Variants in ABCC1 observed in about 807,000 individuals in gnomAD.
ABCC1 encodes ATP binding cassette subfamily C member 1 (ABCC1 blood group).
In ABCC1, 83 loss-of-function variants were observed where a neutral mutation model predicts 172.9. The observed-to-expected ratio is 0.48, with a 90% confidence interval of 0.40 to 0.58. The LOEUF is 0.58. ABCC1 is among the 20% of genes least tolerant of loss of function. The probability of loss-of-function intolerance (pLI) is 0.00; values close to 1 mark genes in which losing one functional copy is unlikely to be tolerated. For missense variants in ABCC1, 1,817 were observed against 2,002.7 expected (o/e 0.91, Z 1.77); for synonymous variants, 937 against 825.2 (o/e 1.14, Z -2.32).
At chr16:16,069,023 T>A (rs1226278652) in intron 13 of ABCC1, among the ~76,000 whole-genome samples, 1 of 149,860 alleles carries the variant, frequency 6.7e-6, no homozygotes, top group African/African-American at 2.4e-5. Flanking sequence ...ACCCCAACCT[T>A]ACGGCCGGGC....
chr16:15,997,667 G>C (rs928647451), intron 1 of ABCC1, among the ~76,000 whole-genome samples: 4 of 152,020 alleles, frequency 2.6e-5, no homozygotes, highest in Non-Finnish European at 4.4e-5. Context: ...TGAGCCTTTA[G>C]GTATTGCCCA....
chr16:16,127,314 C>T (rs969952892), intron 26 of ABCC1, among the ~76,000 whole-genome samples: 4 of 152,178 alleles, frequency 2.6e-5, no homozygotes, highest in Non-Finnish European at 5.9e-5. Flanking sequence ...TCAAGTGATT[C>T]TCCTACCTCT....
Position 16,114,957 on chromosome 16 carries a change from A to G in ABCC1, c.3271A>G (p.Ile1091Val), listed in dbSNP as rs935835833. 1.9e-6 allele frequency: 3 copies of G among 1,614,072 alleles called. No homozygotes were observed. Among genetic ancestry groups the G allele is most frequent in the African/African-American group, 1.3e-5 (1 of 74,934 alleles). ...AGTGGACTCCATGATCCCGGAGGTCATCAAGATGTTCATGGGCTCCCTGTT... is the reference window on the plus strand; with the variant it reads ...AGTGGACTCCATGATCCCGGAGGTCGTCAAGATGTTCATGGGCTCCCTGTT... The part of the protein sequence containing the change: ...DTVDSMIPEV[I>V]KMFMGSLFNV... The change falls in exon 23 of 31, where the codon ATC (isoleucine) becomes GTC (valine). Residue 1091 changes from isoleucine to valine, a missense_variant. This residue lies in a region of ABCC1 where 1,412 missense variants were observed against 1,600.3 expected (regional missense o/e 0.88). Coordinates refer to ENST00000399410, the MANE Select transcript of ABCC1 (RefSeq NM_004996.4).
Position 15,980,444 on chromosome 16 carries a change from A to G in ABCC1, c.49-27372A>G, listed in dbSNP as rs541152341. ...AATTCCACAGGGCTGGGGAGACCTC[A>G]GGAAACTTATACTCACAGCAGAAAG... On this transcript the variant is annotated intron_variant, in intron 1 of 30. Transcript: ENST00000399410. Among the ~76,000 whole-genome samples, 3 of 152,314 alleles carry G rather than the reference A, an allele frequency of 2.0e-5. No individual in the cohort carries two copies. In the East Asian group the frequency reaches 5.8e-4, roughly 29 times the overall value.
At chr16:16,031,134 C>G (rs920416485) in intron 5 of ABCC1, among the ~76,000 whole-genome samples, 1 of 152,182 alleles carries the variant, frequency 6.6e-6, no homozygotes, top group African/African-American at 2.4e-5. Flanking sequence ...CAGGCATGAG[C>G]CACCACACCC....
chr16:16,062,753 A>T (rs45588034), intron 12 of ABCC1, among the ~76,000 whole-genome samples: 8,118 of 152,166 alleles, frequency 0.053, 689 homozygotes, highest in African/African-American at 0.18. Flanking sequence ...TGCTTCAAAG[A>T]CGATGAGGTG....
intron 1 of ABCC1, among the ~76,000 whole-genome samples, chr16:15,959,429 T>C (rs1289898365): frequency 6.6e-6 from 1 of 152,092 alleles, no homozygotes; most frequent in Non-Finnish European, 1.5e-5. Flanking sequence ...GGGCTGAAGC[T>C]ATCTTCCCAC....
At chr16:16,057,674 T>C (rs772706743) in intron 12 of ABCC1, among the ~76,000 whole-genome samples, 17 of 152,226 alleles carry the variant, frequency 1.1e-4, no homozygotes, top group Non-Finnish European at 1.6e-4. Flanking sequence ...AAAAATACTT[T>C]GACAGATATA....
chr16:15,982,882 C>T (rs1222075533), intron 1 of ABCC1, among the ~76,000 whole-genome samples: 1 of 150,434 alleles, frequency 6.6e-6, no homozygotes, highest in African/African-American at 2.4e-5. Flanking sequence ...TGAATTTGGC[C>T]CACAGGCTGT....
intron 1 of ABCC1, among the ~76,000 whole-genome samples, chr16:15,996,088 G>A (rs182374077): frequency 2.0e-5 from 3 of 149,444 alleles, no homozygotes; most frequent in South Asian, 4.3e-4. Flanking sequence ...GGGTTCAAGC[G>A]ATTCTCCTGT....
At chr16:16,110,074 C>CT (rs2052319432) in intron 21 of ABCC1, among the ~76,000 whole-genome samples, 1 of 151,350 alleles carries the variant, frequency 6.6e-6, no homozygotes, top group Non-Finnish European at 1.5e-5. Context: ...GTTCTGCCAC[C>CT]TTTTTTCCAT....
At chr16:16,061,936 G>A (rs2049934720) in intron 12 of ABCC1, among the ~76,000 whole-genome samples, 1 of 151,892 alleles carries the variant, frequency 6.6e-6, no homozygotes, top group Non-Finnish European at 1.5e-5. Flanking sequence ...ACCATGCCCA[G>A]CTAATTTCTG....
chr16:15,976,787 A>G (rs1382639085), intron 1 of ABCC1, among the ~76,000 whole-genome samples: 2 of 152,166 alleles, frequency 1.3e-5, no homozygotes, highest in Non-Finnish European at 2.9e-5. Flanking sequence ...TCTTCCCAAC[A>G]TTGTGTGCAA....
chr16:16,012,388 C>T (rs1452532712), intron 3 of ABCC1, among the ~76,000 whole-genome samples: 1 of 152,052 alleles, frequency 6.6e-6, no homozygotes, highest in Non-Finnish European at 1.5e-5. Flanking sequence ...AGTAAGCGTT[C>T]CATAAATGCA....
chr16:15,981,993 G>A (rs183531762), intron 1 of ABCC1, among the ~76,000 whole-genome samples: 142 of 152,274 alleles, frequency 9.3e-4, no homozygotes, highest in Non-Finnish European at 1.7e-3. Flanking sequence ...AGCATAGCAA[G>A]AGTCACCTTG....
At chr16:16,094,523 C>CT (rs11427239) in intron 19 of ABCC1, 125,161 of 153,378 alleles carry the variant, frequency 0.82, 51,217 homozygotes, top group Non-Finnish European at 0.84. Context: ...TTTTCTTTTT[C>CT]TTTTTTTTGA....
chr16:15,980,011 G>A (rs139751620), intron 1 of ABCC1, among the ~76,000 whole-genome samples: 8 of 152,172 alleles, frequency 5.3e-5, no homozygotes, highest in African/African-American at 4.8e-5. Context: ...CATTCACTGC[G>A]CTAAAGAAAC....
At chr16:15,996,517 A>C (rs2047061859) in intron 1 of ABCC1, among the ~76,000 whole-genome samples, 1 of 152,108 alleles carries the variant, frequency 6.6e-6, no homozygotes, top group Admixed American at 6.6e-5. Flanking sequence ...ACCTCCCATC[A>C]GTGGCAGTTG....
At chr16:15,954,966 A>G (rs768666806) in intron 1 of ABCC1, among the ~76,000 whole-genome samples, 1 of 152,138 alleles carries the variant, frequency 6.6e-6, no homozygotes, top group Non-Finnish European at 1.5e-5. Flanking sequence ...ATCTGTCAGC[A>G]AATCGTGTTG....
Sources: allele counts gnomAD v4.1 joint callset (sites outside exome capture counted in the v4.1 genomes callset), GRCh38; gene constraint gnomAD v4.1.1; regional missense constraint gnomAD v4.1.1; transcripts MANE v1.5; gene names NCBI Gene and HGNC (gene_info 2026-07-23, HGNC 2026-07-21).